Variants in RNF180 observed in about 807,000 individuals in gnomAD.
The protein encoded by RNF180 is E3 ubiquitin-protein ligase RNF180.
A neutral mutation model predicts 59.2 loss-of-function variants in RNF180; 38 were observed. That is an observed-to-expected ratio of 0.64 (90% CI 0.50 to 0.84). The LOEUF is 0.84. RNF180 is among the 40% of genes least tolerant of loss of function. The pLI is 0.00. For missense variants in RNF180, 705 were observed against 700.9 expected (o/e 1.01, Z -0.07); for synonymous variants, 262 against 240.3 (o/e 1.09, Z -0.84).
chr5:64,166,743 C>T (rs1370086289), intron 1 of RNF180, among the ~76,000 whole-genome samples: 1 of 152,116 alleles, frequency 6.6e-6, no homozygotes, highest in Non-Finnish European at 1.5e-5. Flanking sequence ...ATAGACCAGA[C>T]AGCTGAGGCA....
chr5:64,317,617 C>CAT lies in RNF180; in HGVS notation c.1228-7563_1228-7562dup, dbSNP rs561573412. 6.9e-3 allele frequency among the ~76,000 whole-genome samples: 761 copies of CAT among 111,038 alleles called. 7 individuals carry two copies. Among genetic ancestry groups the CAT allele is most frequent in the African/African-American group, 0.03 (610 of 20,218 alleles). 72.8% of individuals were successfully genotyped at this position (111,038 alleles called of 152,430 possible). A position where few individuals can be genotyped will look rare whatever the true frequency, so the allele number is the denominator to read the frequency against. ...ATTTATACACACACACACACACACA[C>CAT]ATATATACACACACACACACACACA... On this transcript the variant is annotated intron_variant, in intron 5 of 7. Coordinates refer to ENST00000389100, the MANE Select transcript of RNF180 (RefSeq NM_001113561.2).
Position 64,216,255 on chromosome 5 carries a change from A to G in RNF180, c.1192-1106A>G, listed in dbSNP as rs1421498240. Among the ~76,000 whole-genome samples, 4 of 152,144 alleles carry G rather than the reference A, an allele frequency of 2.6e-5. No individual in the cohort carries two copies. In the East Asian group the frequency reaches 7.7e-4, roughly 29 times the overall value. On this transcript the variant is annotated intron_variant, in intron 4 of 7. Transcript: ENST00000389100. ...AAGTATACATCGCAGTTAGAACCAG[A>G]ATAATTACAATTTTTAAGTCTGTTT...
At chr5:64,266,256 G>A (rs543776723) in intron 5 of RNF180, among the ~76,000 whole-genome samples, 32 of 152,104 alleles carry the variant, frequency 2.1e-4, no homozygotes, top group African/African-American at 6.7e-4. Flanking sequence ...ATCTTAATAT[G>A]TGTCAATGCC....
chr5:64,222,043 A>G (rs961590122), intron 5 of RNF180, among the ~76,000 whole-genome samples: 2 of 152,164 alleles, frequency 1.3e-5, no homozygotes, highest in Non-Finnish European at 2.9e-5. Flanking sequence ...ATTAGTTGTC[A>G]TGTCTCATTA....
At position 64,322,602 on chromosome 5, in the gene RNF180, CGTGTGTGTGTGTGTGTGT is replaced by C. The variant is rs76117470; in HGVS notation, c.1228-2565_1228-2548del. Among the ~76,000 whole-genome samples, 225 of 143,502 alleles carry C rather than the reference CGTGTGTGTGTGTGTGTGT, an allele frequency of 1.6e-3. 2 individuals carry two copies. Among genetic ancestry groups the C allele is most frequent in the African/African-American group, 5.4e-3 (211 of 39,138 alleles). 94.1% of individuals were successfully genotyped at this position (143,502 alleles called of 152,430 possible). The stretch of plus-strand genomic sequence containing the variant: ...ATATATATAACGGAATATATATATA[CGTGTGTGTGTGTGTGTGT>C]GTGTGTGTGTGTGTGTGTATAACGG... On this transcript the variant is annotated intron_variant, in intron 5 of 7. Transcript: ENST00000389100.
chr5:64,227,611 C>G (rs202044453), intron 5 of RNF180, among the ~76,000 whole-genome samples: 6 of 152,164 alleles, frequency 3.9e-5, no homozygotes, highest in Non-Finnish European at 7.3e-5. Context: ...AGACCAAACC[C>G]GAATCTTGGT....
At chr5:64,359,197 G>C (rs1335663418) in intron 7 of RNF180, among the ~76,000 whole-genome samples, 1 of 151,376 alleles carries the variant, frequency 6.6e-6, no homozygotes, top group East Asian at 2.0e-4. Flanking sequence ...CTGGATCCCT[G>C]AGGAATCGCC....
chr5:64,308,156 T>G (rs368287884), intron 5 of RNF180, among the ~76,000 whole-genome samples: 4 of 151,876 alleles, frequency 2.6e-5, no homozygotes, highest in African/African-American at 9.6e-5. Flanking sequence ...GAAGAGAGTC[T>G]AGTTTATGGA....
intron 5 of RNF180, among the ~76,000 whole-genome samples, chr5:64,256,044 GTTGT>G (rs1398216771): frequency 1.3e-5 from 2 of 152,200 alleles, no homozygotes; most frequent in Non-Finnish European, 2.9e-5. Context: ...TGTTGATGGG[GTTGT>G]TTGTTTTTTT....
intron 7 of RNF180, among the ~76,000 whole-genome samples, chr5:64,354,407 T>A (rs112973379): frequency 6.6e-6 from 1 of 151,714 alleles, no homozygotes; most frequent in African/African-American, 2.4e-5. Flanking sequence ...CTAGAAGAAA[T>A]AGAAAATCTC....
intron 5 of RNF180, among the ~76,000 whole-genome samples, chr5:64,311,939 C>A (rs1033843005): frequency 6.6e-6 from 1 of 151,946 alleles, no homozygotes; most frequent in Non-Finnish European, 1.5e-5. Flanking sequence ...TATGCAAGAG[C>A]CACTGGAAAA....
chr5:64,228,417 G>A (rs764157889), intron 5 of RNF180, among the ~76,000 whole-genome samples: 1 of 152,178 alleles, frequency 6.6e-6, no homozygotes, highest in Non-Finnish European at 1.5e-5. Flanking sequence ...GAGAGGATGA[G>A]GTGGGAGGAT....
intron 5 of RNF180, among the ~76,000 whole-genome samples, chr5:64,269,599 T>C (rs764986180): frequency 3.3e-5 from 5 of 152,170 alleles, no homozygotes; most frequent in Non-Finnish European, 7.3e-5. Context: ...GGCCCTGCTA[T>C]GTTTGTCTGA....
intron 1 of RNF180, among the ~76,000 whole-genome samples, chr5:64,176,464 G>A (rs1010188060): frequency 2.0e-5 from 3 of 151,872 alleles, no homozygotes; most frequent in African/African-American, 7.3e-5. Context: ...ATCCCTTTTT[G>A]TGGGGAATGC....
At chr5:64,219,633 G>T (rs1752806636) in intron 5 of RNF180, among the ~76,000 whole-genome samples, 1 of 151,858 alleles carries the variant, frequency 6.6e-6, no homozygotes, top group African/African-American at 2.4e-5. Context: ...TTCTGCCTCA[G>T]CCTCCTGAGA....
chr5:64,322,941 A>G (rs1744446178), intron 5 of RNF180, among the ~76,000 whole-genome samples: 1 of 152,164 alleles, frequency 6.6e-6, no homozygotes, highest in East Asian at 1.9e-4. Flanking sequence ...CAACTTATTC[A>G]TGTAACCAAA....
At chr5:64,185,974 G>A (rs1750852045) in intron 1 of RNF180, among the ~76,000 whole-genome samples, 1 of 152,224 alleles carries the variant, frequency 6.6e-6, no homozygotes, top group African/African-American at 2.4e-5. Context: ...GGTGGGATAA[G>A]TAAGTAAACA....
intron 1 of RNF180, among the ~76,000 whole-genome samples, chr5:64,171,131 A>G: frequency 6.6e-6 from 1 of 152,238 alleles, no homozygotes; most frequent in South Asian, 2.1e-4. Flanking sequence ...CATAAGAGCC[A>G]GAGACAGAAT....
intron 5 of RNF180, among the ~76,000 whole-genome samples, chr5:64,256,561 A>G (rs1462692200): frequency 2.0e-5 from 3 of 152,194 alleles, no homozygotes; most frequent in East Asian, 3.9e-4. Context: ...ATTGGTCTAT[A>G]TCTCTGTTTT....
Sources: gnomAD v4.1 joint callset for allele counts (sites outside exome capture counted in the v4.1 genomes callset) on GRCh38, gnomAD v4.1.1 for gene constraint, MANE v1.5 for transcripts, NCBI Gene and HGNC (gene_info 2026-07-23, HGNC 2026-07-21) for gene names.